Variants in STXBP5L observed in about 807,000 individuals in gnomAD.
The protein encoded by STXBP5L is syntaxin-binding protein 5-like.
In STXBP5L, 65 loss-of-function variants were observed where a neutral mutation model predicts 144.5. The ratio of observed to expected loss-of-function variants is 0.45; its 90% CI spans 0.37 to 0.55. STXBP5L has a LOEUF of 0.55. Ranked by LOEUF, STXBP5L falls within the 20% of genes least tolerant of loss-of-function variation. The pLI, the probability that STXBP5L is intolerant of heterozygous loss-of-function variation, is 0.00. For synonymous variants in STXBP5L, 505 were observed against 469.6 expected (o/e 1.08, Z -0.97); for missense variants, 1,298 against 1,405.5 (o/e 0.92, Z 1.22).
At chr3:121,311,082 T>C (rs906560675) in intron 19 of STXBP5L, among the ~76,000 whole-genome samples, 3 of 152,170 alleles carry the variant, frequency 2.0e-5, no homozygotes, top group Non-Finnish European at 4.4e-5. Context: ...GAAATTTGGA[T>C]AGAATCATGA....
At chr3:121,270,726 T>G (rs1207837870) in intron 18 of STXBP5L, among the ~76,000 whole-genome samples, 1 of 152,194 alleles carries the variant, frequency 6.6e-6, no homozygotes, top group Admixed American at 6.5e-5. Context: ...GTGCTGAGAT[T>G]ACAGGCGTGA....
chr3:121,057,375 G>A (rs989491252), intron 5 of STXBP5L, among the ~76,000 whole-genome samples: 6 of 151,822 alleles, frequency 4.0e-5, no homozygotes, highest in African/African-American at 1.5e-4. Context: ...GAATCATCAG[G>A]AAACTGTTTA....
In STXBP5L at chr3:121,034,153, A is replaced by G. The variant is rs151243401; in HGVS notation, c.288-7547A>G. Among the ~76,000 whole-genome samples, 460 of 152,218 alleles carry G rather than the reference A, an allele frequency of 3.0e-3. 3 individuals carry two copies. Among genetic ancestry groups the G allele is most frequent in the African/African-American group, 0.01 (429 of 41,562 alleles). ...TTCTTTATTTTTTTCTGAAATTTAT[A>G]TACATTTAAGGGGTACAATTGCAGT... On this transcript the variant is annotated intron_variant, in intron 3 of 26. Transcript: ENST00000471454.
intron 19 of STXBP5L, among the ~76,000 whole-genome samples, chr3:121,317,218 A>C (rs1050459903): frequency 6.6e-6 from 1 of 152,228 alleles, no homozygotes; most frequent in African/African-American, 2.4e-5. Flanking sequence ...TGTTCAATGA[A>C]GTAAAAAATA....
intron 11 of STXBP5L, among the ~76,000 whole-genome samples, chr3:121,228,891 G>A (rs2049210561): frequency 6.6e-6 from 1 of 152,014 alleles, no homozygotes; most frequent in Non-Finnish European, 1.5e-5. Context: ...AAGAAAAGAA[G>A]AAAAGAAAAG....
At chr3:121,004,864 C>T (rs1944132952) in intron 3 of STXBP5L, among the ~76,000 whole-genome samples, 2 of 152,088 alleles carry the variant, frequency 1.3e-5, no homozygotes, top group South Asian at 2.1e-4. Flanking sequence ...TATTGATTTG[C>T]ATATGTTGAA....
At chr3:121,159,919 A>G (rs1452611559) in intron 9 of STXBP5L, among the ~76,000 whole-genome samples, 1 of 152,144 alleles carries the variant, frequency 6.6e-6, no homozygotes, top group African/African-American at 2.4e-5. Context: ...GGCGTGAGCC[A>G]CCGCGCCCGG....
At chr3:120,977,121 A>T (rs759482645) in intron 3 of STXBP5L, among the ~76,000 whole-genome samples, 1 of 152,170 alleles carries the variant, frequency 6.6e-6, no homozygotes, top group East Asian at 1.9e-4. Context: ...TGTCTCATTG[A>T]TCTGTCTAAT....
intron 20 of STXBP5L, among the ~76,000 whole-genome samples, chr3:121,356,398 C>T (rs371865069): frequency 1.1e-3 from 171 of 152,364 alleles, no homozygotes; most frequent in East Asian, 4.0e-3. Flanking sequence ...TCAGCAATGG[C>T]GGATGCCCCT....
Position 121,188,285 on chromosome 3 carries a change from A to C in STXBP5L, c.878-17638A>C, listed in dbSNP as rs552163596. On this transcript the variant is annotated intron_variant, in intron 9 of 26. Coordinates refer to ENST00000471454, the MANE Select transcript of STXBP5L (RefSeq NM_001308330.2). ...CTCCCATATTGACCACATAGTTGAA[A>C]GTAAAGCACTCCTCAGCAAATGTAA... Among the ~76,000 whole-genome samples the C allele has an allele frequency of 2.0e-5, 3 of 152,346 alleles. No homozygotes were observed. The South Asian group carries it at 6.2e-4, about 32-fold the overall frequency.
intron 3 of STXBP5L, 67 bp from the exon 4 acceptor site, chr3:121,041,629 AAGTT>A: frequency 8.9e-7 from 1 of 1,121,464 alleles, no homozygotes; most frequent in Non-Finnish European, 1.3e-6. Flanking sequence ...GTTGATCAAT[AAGTT>A]AGTTTCTTTG....
chr3:120,994,184 A>AT (rs1302404859), intron 3 of STXBP5L, among the ~76,000 whole-genome samples: 1 of 151,886 alleles, frequency 6.6e-6, no homozygotes, highest in Non-Finnish European at 1.5e-5. Context: ...AGTTCTAAGA[A>AT]TTTTTTGGTG....
At chr3:121,102,559 G>T (rs3914739) in intron 5 of STXBP5L, among the ~76,000 whole-genome samples, 79,677 of 151,838 alleles carry the variant, frequency 0.52, 21,443 homozygotes, top group African/African-American at 0.62. Flanking sequence ...TAACTCAAGA[G>T]GGTTTAAAGC....
At chr3:120,983,028 C>G (rs956780332) in intron 3 of STXBP5L, among the ~76,000 whole-genome samples, 1 of 152,204 alleles carries the variant, frequency 6.6e-6, no homozygotes, top group African/African-American at 2.4e-5. Flanking sequence ...CTTTCTCTGC[C>G]TTGAGCAGTG....
chr3:121,368,950 T>C (rs537705320), intron 20 of STXBP5L, among the ~76,000 whole-genome samples: 14 of 152,294 alleles, frequency 9.2e-5, no homozygotes, highest in Admixed American at 7.2e-4. Flanking sequence ...TGAGGGTAAG[T>C]GCAACAACAA....
intron 3 of STXBP5L, among the ~76,000 whole-genome samples, chr3:121,002,793 A>G (rs1168381158): frequency 6.9e-6 from 1 of 145,046 alleles, no homozygotes; most frequent in Non-Finnish European, 1.5e-5. Flanking sequence ...GCTATGAGTG[A>G]GAACATGCGG....
chr3:121,188,939 G>C (rs1037397573), intron 9 of STXBP5L, among the ~76,000 whole-genome samples: 2 of 152,176 alleles, frequency 1.3e-5, no homozygotes, highest in African/African-American at 4.8e-5. Context: ...ATTCAACATA[G>C]TTTTGAAAGT....
chr3:121,105,206 G>A (rs567670209), intron 5 of STXBP5L, among the ~76,000 whole-genome samples: 12 of 152,124 alleles, frequency 7.9e-5, no homozygotes, highest in South Asian at 6.2e-4. Context: ...GACCATCCTG[G>A]CCAACATGGT....
chr3:121,416,803 C>A (rs959119929), intron 25 of STXBP5L, among the ~76,000 whole-genome samples: 25 of 152,034 alleles, frequency 1.6e-4, no homozygotes, highest in African/African-American at 5.8e-4. Flanking sequence ...CCACACCCAG[C>A]CTCACTGGTA....
Sources: allele counts gnomAD v4.1 joint callset (sites outside exome capture counted in the v4.1 genomes callset), GRCh38; gene constraint gnomAD v4.1.1; transcripts MANE v1.5; gene names NCBI Gene and HGNC (gene_info 2026-07-23, HGNC 2026-07-21).